EHBP1: variants seen among roughly 807,000 people sequenced by gnomAD.
EHBP1 encodes the protein EH domain-binding protein 1.
Under a neutral mutation model 144.0 loss-of-function variants are expected in EHBP1, and 55 were observed. The observed-to-expected ratio is 0.38, with a 90% CI of 0.31 to 0.48. The LOEUF (loss-of-function observed/expected upper bound fraction) is 0.48, where lower values mean the gene tolerates loss of function less well. Among genes scored for constraint, EHBP1 ranks in the 20% least tolerant of loss-of-function variants. The probability of loss-of-function intolerance (pLI) is 0.98; values close to 1 mark genes in which losing one functional copy is unlikely to be tolerated. For synonymous variants in EHBP1, 469 were observed against 472.7 expected (o/e 0.99, Z 0.10); for missense variants, 1,200 against 1,364.2 (o/e 0.88, Z 1.90).
chr2:62,889,381 G>T (rs1463406618), intron 10 of EHBP1, among the ~76,000 whole-genome samples: 4 of 151,832 alleles, frequency 2.6e-5, no homozygotes, highest in African/African-American at 9.7e-5. Context: ...TTCTTTTGCT[G>T]TGCAGAAGCT....
At chr2:63,015,751 T>C (rs1347603541) in intron 19 of EHBP1, among the ~76,000 whole-genome samples, 1 of 152,142 alleles carries the variant, frequency 6.6e-6, no homozygotes, top group Non-Finnish European at 1.5e-5. Context: ...AAGTGAGATA[T>C]CTCTTTTGGC....
upstream of EHBP1, among the ~76,000 whole-genome samples, chr2:62,704,145 CTT>C (rs1259294962): frequency 1.3e-5 from 2 of 152,176 alleles, no homozygotes; most frequent in African/African-American, 2.4e-5. Flanking sequence ...TCAGAGAACT[CTT>C]AATAGAAAAT....
chr2:62,831,106 A>G lies in EHBP1; in HGVS notation c.582A>G (p.Glu194=), dbSNP rs530128518. The part of the protein sequence containing the change: ...GNLDDFEEDN[E]DDDENRVNQE... Reference sequence around the variant, plus strand: ...TAGATGACTTCGAAGAAGATAATGAAGATGATGATGAGAACAGAGTGAACC... The same window carrying G: ...TAGATGACTTCGAAGAAGATAATGAGGATGATGATGAGAACAGAGTGAACC... Residue 194 remains glutamate, a synonymous_variant, in exon 7 of 23, where the codon GAA becomes GAG. Coordinates refer to ENST00000431489, the MANE Select transcript of EHBP1 (RefSeq NM_001142616.3). 7.1e-4 allele frequency: 1,137 copies of G among 1,610,058 alleles called. 21 individuals carry two copies. The South Asian group carries it at 0.012, about 17-fold the overall frequency.
rs71422361 is a variant in EHBP1, at chr2:62,819,490, G to T, written c.313-6597G>T. 8.8e-3 allele frequency among the ~76,000 whole-genome samples: 1,340 copies of T among 152,276 alleles called. 4 individuals are homozygous for T. The highest frequency in any genetic ancestry group is 0.014 in the Non-Finnish European group (957 of 68,022). On this transcript the variant is annotated intron_variant, in intron 5 of 22. Coordinates refer to ENST00000431489, the MANE Select transcript of EHBP1 (RefSeq NM_001142616.3). ...TCCAAACCTGCAGCCGGGCACAGTG[G>T]CTCATGCCTGTAATCCCAACACTGA...
At chr2:63,002,191 A>G (rs1421859756) in intron 19 of EHBP1, among the ~76,000 whole-genome samples, 1 of 152,176 alleles carries the variant, frequency 6.6e-6, no homozygotes, top group Non-Finnish European at 1.5e-5. Flanking sequence ...TTCAGAGGGT[A>G]GTTTTCAGTC....
intron 6 of EHBP1, among the ~76,000 whole-genome samples, chr2:62,827,497 G>A (rs760677269): frequency 2.6e-5 from 4 of 152,142 alleles, no homozygotes; most frequent in African/African-American, 9.7e-5. Flanking sequence ...GAATCTGGGT[G>A]AGAGGAAATT....
chr2:63,044,327 T>A (rs2061836120), intron 21 of EHBP1: 1 of 150,896 alleles, frequency 6.6e-6, no homozygotes, highest in African/African-American at 2.4e-5. Flanking sequence ...TTTCCAACCT[T>A]TAACATAGGG....
intron 2 of EHBP1, among the ~76,000 whole-genome samples, chr2:62,725,821 G>C (rs145581589): frequency 6.6e-6 from 1 of 152,276 alleles, no homozygotes; most frequent in Non-Finnish European, 1.5e-5. Flanking sequence ...ATTGGAGGTG[G>C]TGTGTGGGAG....
At position 62,942,787 on chromosome 2, in the gene EHBP1, A is replaced by G. The variant is rs1167576792; in HGVS notation, c.1255A>G (p.Lys419Glu). The G allele has an allele frequency of 6.2e-7, 1 of 1,613,934 alleles. No homozygotes were observed. The highest frequency in any genetic ancestry group is 1.1e-5 in the South Asian group (1 of 91,060). ...NASQSLLVWC[K>E]EVTKNYRGVK... ...TAGTCAGTCTTTGCTTGTATGGTGT[A>G]AAGAAGTTACAAAGAACTACCGAGG... The change falls in exon 11 of 23, where the codon AAA becomes GAA. Residue 419 changes from lysine to glutamate, a missense_variant. Coordinates refer to ENST00000431489, the MANE Select transcript of EHBP1 (RefSeq NM_001142616.3).
At chr2:62,902,568 C>T (rs942770270) in intron 10 of EHBP1, among the ~76,000 whole-genome samples, 1 of 151,662 alleles carries the variant, frequency 6.6e-6, no homozygotes, top group African/African-American at 2.4e-5. Flanking sequence ...AAAGGGGTAT[C>T]GTTAGGAAAA....
At chr2:63,019,601 G>T (rs1239550627) in intron 19 of EHBP1, among the ~76,000 whole-genome samples, 1 of 151,810 alleles carries the variant, frequency 6.6e-6, no homozygotes, top group Non-Finnish European at 1.5e-5. Context: ...CAGCTACTCG[G>T]GAGGCTGAGG....
chr2:63,011,576 C>T (rs1574465720), intron 19 of EHBP1, among the ~76,000 whole-genome samples: 1 of 152,030 alleles, frequency 6.6e-6, no homozygotes, highest in East Asian at 1.9e-4. Flanking sequence ...AACAGAATAA[C>T]ATTACAGCAA....
chr2:62,688,644 C>T (rs1558509286), intron 1 of EHBP1, among the ~76,000 whole-genome samples: 1 of 152,108 alleles, frequency 6.6e-6, no homozygotes, highest in Non-Finnish European at 1.5e-5. Context: ...TGCTTCCCAG[C>T]CTCTAGTATC....
At chr2:62,773,546 G>C (rs2041826589) in intron 5 of EHBP1, among the ~76,000 whole-genome samples, 1 of 151,950 alleles carries the variant, frequency 6.6e-6, no homozygotes, top group Non-Finnish European at 1.5e-5. Flanking sequence ...TCTGTGAACT[G>C]TTATAAATCC....
chr2:62,779,950 T>A (rs2042313925), intron 5 of EHBP1, among the ~76,000 whole-genome samples: 1 of 152,186 alleles, frequency 6.6e-6, no homozygotes, highest in African/African-American at 2.4e-5. Flanking sequence ...GTTGTTTGCT[T>A]TACCAGATTT....
chr2:62,914,858 G>C (rs554309626), intron 10 of EHBP1, among the ~76,000 whole-genome samples: 10 of 152,072 alleles, frequency 6.6e-5, no homozygotes, highest in African/African-American at 2.4e-4. Context: ...CATAAAATCT[G>C]TTATATCACT....
chr2:62,771,400 A>G lies in EHBP1; in HGVS notation c.312+8A>G, dbSNP rs201855702. On this transcript the variant is annotated splice_region_variant and intron_variant, in intron 5 of 22. Coordinates refer to ENST00000431489, the MANE Select transcript of EHBP1 (RefSeq NM_001142616.3). ...ACATTTGTCATAGAAAATGTAAGCT[A>G]ATGGCAAATTCCTTCACCTTTCACA... 2.8e-4 allele frequency: 451 copies of G among 1,583,344 alleles called. 1 individual carries two copies. The highest frequency in any genetic ancestry group is 1.1e-3 in the South Asian group (97 of 85,792).
At position 63,037,525 on chromosome 2, in the gene EHBP1, C is replaced by G; in HGVS notation, c.3104-10C>G. The G allele has an allele frequency of 6.3e-7, 1 of 1,584,312 alleles. No individual in the cohort carries two copies. Among genetic ancestry groups the G allele is most frequent in the Non-Finnish European group, 8.6e-7 (1 of 1,160,476 alleles). On this transcript the variant is annotated splice_polypyrimidine_tract_variant and intron_variant, in intron 19 of 22. Coordinates refer to ENST00000431489, the MANE Select transcript of EHBP1 (RefSeq NM_001142616.3). Reference sequence around the variant, plus strand: ...TCGTATAGTAAAAGGTAACTCTTCCCGAATTATAGGAAGGAACACAGAAGA... The same window carrying G: ...TCGTATAGTAAAAGGTAACTCTTCCGGAATTATAGGAAGGAACACAGAAGA...
intron 5 of EHBP1, among the ~76,000 whole-genome samples, chr2:62,808,926 C>T (rs933148712): frequency 3.9e-5 from 6 of 152,142 alleles, no homozygotes; most frequent in Admixed American, 3.9e-4. Flanking sequence ...TCTCTTCTCC[C>T]AGGTTAGACT....
Sources: gnomAD v4.1 joint callset for allele counts (sites outside exome capture counted in the v4.1 genomes callset) on GRCh38, gnomAD v4.1.1 for gene constraint, MANE v1.5 for transcripts, NCBI Gene and HGNC (gene_info 2026-07-23, HGNC 2026-07-21) for gene names.